Variants in ANO6 observed in about 807,000 individuals in gnomAD.
The protein encoded by ANO6 is anoctamin-6.
Under a neutral mutation model 117.5 loss-of-function variants are expected in ANO6, and 106 were observed. The observed-to-expected ratio is 0.90, with a 90% CI of 0.77 to 1.06. ANO6 has a LOEUF of 1.06. Ranked by LOEUF, ANO6 falls within the 50% of genes least tolerant of loss-of-function variation. The probability of loss-of-function intolerance (pLI) is 0.00; values close to 1 mark genes in which losing one functional copy is unlikely to be tolerated. For missense variants in ANO6, 955 were observed against 1,121.1 expected (o/e 0.85, Z 2.12); for synonymous variants, 367 against 385.1 (o/e 0.95, Z 0.55).
At chr12:45,400,471 T>G (rs1285957504) in intron 12 of ANO6, among the ~76,000 whole-genome samples, 1 of 152,214 alleles carries the variant, frequency 6.6e-6, no homozygotes, top group African/African-American at 2.4e-5. Context: ...TGTAATGCCT[T>G]CTCTACAAGC....
chr12:45,269,944 A>G (rs1938339896), intron 1 of ANO6, among the ~76,000 whole-genome samples: 1 of 152,222 alleles, frequency 6.6e-6, no homozygotes, highest in Non-Finnish European at 1.5e-5. Flanking sequence ...GTAGCTTGGC[A>G]TCATTCTGGG....
chr12:45,265,276 A>C (rs1339382277), intron 1 of ANO6, among the ~76,000 whole-genome samples: 1 of 152,182 alleles, frequency 6.6e-6, no homozygotes, highest in African/African-American at 2.4e-5. Flanking sequence ...ACTGTATTGA[A>C]ATACGAAGTT....
rs5797940 is a variant in ANO6 at position 45,352,560 on chromosome 12, T to TA, written c.863+1808dup. ...TGAGCAGCATAGTGAGATCCAGTCTTAAAAAAAAAAAAAAAAAAAAAAGCC... is the reference window on the plus strand; with the variant it reads ...TGAGCAGCATAGTGAGATCCAGTCTTAAAAAAAAAAAAAAAAAAAAAAAGCC... On this transcript the variant is annotated intron_variant, in intron 7 of 19. Transcript: ENST00000320560. Among the ~76,000 whole-genome samples the TA allele has an allele frequency of 5.4e-3, 507 of 93,838 alleles. 3 individuals are homozygous for TA. Among genetic ancestry groups the TA allele is most frequent in the South Asian group, 6.3e-3 (15 of 2,384 alleles). The allele number at this position is 93,838 out of a possible 152,430, so 61.6% of individuals were successfully genotyped here.
intron 15 of ANO6, 51 bp downstream of exon 15, chr12:45,403,587 C>T (rs890316138): frequency 2.1e-6 from 3 of 1,459,126 alleles, no homozygotes; most frequent in Middle Eastern, 3.5e-4. Flanking sequence ...GATAGAACAG[C>T]CCATCCACAC....
intron 3 of ANO6, among the ~76,000 whole-genome samples, chr12:45,343,975 C>T (rs867352039): frequency 3.9e-5 from 6 of 152,086 alleles, no homozygotes; most frequent in Non-Finnish European, 7.4e-5. Flanking sequence ...GGGCCTAGCT[C>T]GAGTGCCAGT....
At chr12:45,288,562 A>G (rs535541815) in intron 1 of ANO6, among the ~76,000 whole-genome samples, 5 of 152,194 alleles carry the variant, frequency 3.3e-5, no homozygotes, top group African/African-American at 9.6e-5. Context: ...GTTGTAGTAT[A>G]TGTTTGAATT....
chr12:45,406,200 G>T (rs1257881638), intron 15 of ANO6, among the ~76,000 whole-genome samples: 3 of 152,318 alleles, frequency 2.0e-5, no homozygotes, highest in Non-Finnish European at 4.4e-5. Flanking sequence ...CATATGACAG[G>T]GACTCAGTAT....
intron 3 of ANO6, among the ~76,000 whole-genome samples, chr12:45,339,755 C>T (rs1009397479): frequency 1.3e-5 from 2 of 152,132 alleles, no homozygotes; most frequent in Admixed American, 1.3e-4. Context: ...AGTAATTAGA[C>T]TAATTTTTTT....
At chr12:45,241,573 C>T (rs927803956) in intron 1 of ANO6, among the ~76,000 whole-genome samples, 23 of 152,346 alleles carry the variant, frequency 1.5e-4, no homozygotes, top group African/African-American at 5.1e-4. Context: ...AAGTCATTCT[C>T]CGTCCAGCTT....
intron 2 of ANO6, among the ~76,000 whole-genome samples, chr12:45,316,022 A>G (rs1317229742): frequency 6.6e-6 from 1 of 152,094 alleles, no homozygotes; most frequent in Non-Finnish European, 1.5e-5. Flanking sequence ...TGTTCTCTAA[A>G]TAATTCCTTT....
At chr12:45,324,015 G>A (rs2137377915) in intron 2 of ANO6, among the ~76,000 whole-genome samples, 1 of 141,630 alleles carries the variant, frequency 7.1e-6, no homozygotes, top group Non-Finnish European at 1.5e-5. Flanking sequence ...TTGGCTCACT[G>A]CAACCTCCGC....
At position 45,401,875 on chromosome 12, in the gene ANO6, C is replaced by T. The variant is rs776049565; in HGVS notation, c.1467C>T (p.Pro489=). ...TCATTGTATTTTCTGCAAAACTTCC[C>T]AAGAACATTAATGGAACAGACCCAA... ...SVFIVFSAKL[P]KNINGTDPIQ... is the part of the protein sequence containing the mutation. Residue 489 remains proline (P), a synonymous_variant, in exon 13 of 20, where the codon CCC becomes CCT. Coordinates refer to ENST00000320560, the MANE Select transcript of ANO6 (RefSeq NM_001025356.3). The T allele has an allele frequency of 5.0e-6, 8 of 1,613,872 alleles. No individual in the cohort carries two copies. The African/African-American group carries it at 1.1e-4, about 22-fold the overall frequency.
At chr12:45,388,134 A>C in intron 10 of ANO6, 27 bp from the exon 11 acceptor site, 1 of 1,613,474 alleles carries the variant, frequency 6.2e-7, no homozygotes, top group South Asian at 1.1e-5. Context: ...TTGAAAATCC[A>C]CACAAGCTCT....
intron 12 of ANO6, among the ~76,000 whole-genome samples, chr12:45,397,663 G>C (rs1271439557): frequency 1.3e-5 from 2 of 150,534 alleles, no homozygotes; most frequent in Non-Finnish European, 2.9e-5. Context: ...CCATAAAAAA[G>C]GATGAGTTCA....
intron 12 of ANO6, among the ~76,000 whole-genome samples, chr12:45,395,473 C>G (rs989934640): frequency 5.9e-5 from 9 of 152,146 alleles, no homozygotes; most frequent in Non-Finnish European, 5.9e-5. Context: ...AAGAGGGAAT[C>G]CTCCCTAACT....
intron 2 of ANO6, among the ~76,000 whole-genome samples, chr12:45,306,423 A>G (rs1308642594): frequency 6.6e-6 from 1 of 152,182 alleles, no homozygotes; most frequent in Admixed American, 6.5e-5. Context: ...GAAAGGCTAA[A>G]TAGAAAAATA....
intron 1 of ANO6, among the ~76,000 whole-genome samples, chr12:45,295,161 C>T (rs1004181293): frequency 1.3e-5 from 2 of 152,196 alleles, no homozygotes; most frequent in Non-Finnish European, 2.9e-5. Flanking sequence ...TTGAAAGCTA[C>T]GCTTTTGGCT....
intron 2 of ANO6, among the ~76,000 whole-genome samples, chr12:45,318,813 G>T (rs1271306798): frequency 6.6e-6 from 1 of 152,146 alleles, no homozygotes; most frequent in Admixed American, 6.5e-5. Context: ...GCAGTGGTTT[G>T]TAGTTCTCCT....
rs1168552825 is a variant in ANO6 at position 45,391,503 on chromosome 12, A to G, written c.1386+1005A>G. 3.3e-5 allele frequency among the ~76,000 whole-genome samples: 5 copies of G among 152,160 alleles called. No homozygotes were observed. In the South Asian group the frequency reaches 1.0e-3, roughly 32 times the overall value. On this transcript the variant is annotated intron_variant, in intron 12 of 19. Coordinates refer to ENST00000320560, the MANE Select transcript of ANO6 (RefSeq NM_001025356.3). ...AATAGTAATGGAATACTTGTTAGCT[A>G]TTTGGGGGGACAATAAATGTTAAAG...
Sources: gnomAD v4.1 joint callset for allele counts (sites outside exome capture counted in the v4.1 genomes callset) on GRCh38, gnomAD v4.1.1 for gene constraint, MANE v1.5 for transcripts, NCBI Gene and HGNC (gene_info 2026-07-23, HGNC 2026-07-21) for gene names.